The following FSTL5 variants were observed in gnomAD, a reference collection of about 807,000 sequenced individuals.
The protein encoded by FSTL5 is follistatin-related protein 5.
A neutral mutation model predicts 89.1 loss-of-function variants in FSTL5; 62 were observed. The ratio of observed to expected loss-of-function variants is 0.70; its 90% CI spans 0.57 to 0.86. The LOEUF (loss-of-function observed/expected upper bound fraction) is 0.86, where lower values mean the gene tolerates loss of function less well. FSTL5 is among the 40% of genes least tolerant of loss of function. The probability of loss-of-function intolerance (pLI) is 0.00; values close to 1 mark genes in which losing one functional copy is unlikely to be tolerated. For missense variants in FSTL5, 1,057 were observed against 1,001.6 expected (o/e 1.06, Z -0.75); for synonymous variants, 383 against 346.2 (o/e 1.11, Z -1.18).
chr4:161,488,512 G>C (rs1046316872), intron 12 of FSTL5, among the ~76,000 whole-genome samples: 1 of 151,902 alleles, frequency 6.6e-6, no homozygotes, highest in Non-Finnish European at 1.5e-5. Flanking sequence ...GTATTAGAGA[G>C]GTTAAAAAAA....
intron 8 of FSTL5, among the ~76,000 whole-genome samples, chr4:161,549,206 G>T (rs1465630635): frequency 1.3e-5 from 2 of 151,650 alleles, no homozygotes; most frequent in Non-Finnish European, 2.9e-5. Context: ...GCTTAATAGT[G>T]CTGTGATGTT....
chr4:161,502,381 G>A (rs1263847044), intron 11 of FSTL5, among the ~76,000 whole-genome samples: 1 of 151,820 alleles, frequency 6.6e-6, no homozygotes, highest in African/African-American at 2.4e-5. Context: ...ACACATGAAC[G>A]TTTTTACAAA....
At chr4:162,016,580 A>T (rs980233759) in intron 3 of FSTL5, among the ~76,000 whole-genome samples, 1 of 152,040 alleles carries the variant, frequency 6.6e-6, no homozygotes, top group African/African-American at 2.4e-5. Flanking sequence ...ATTCCTTTGG[A>T]CTTTAGTGTC....
Position 161,386,195 on chromosome 4 carries a change from A to G in FSTL5, c.2096T>C (p.Val699Ala). ...GACAAGGTAGTGGCCATCTGGAGAG[A>G]CATATGGAGTGCCCGTCACATCACT... ...FNSDVTGTPY[V>A]SPDGHYLVSI... The change falls in exon 16 of 16, where the codon GTC becomes GCC. Residue 699 changes from valine to alanine, a missense_variant. Val to Ala is a moderately conservative substitution (Grantham distance 64). Coordinates refer to ENST00000306100, the MANE Select transcript of FSTL5 (RefSeq NM_020116.5). 1 of 1,614,032 alleles carries G rather than the reference A, an allele frequency of 6.2e-7. No individual in the cohort carries two copies.
At chr4:161,883,325 T>C (rs1020402204) in intron 4 of FSTL5, among the ~76,000 whole-genome samples, 3 of 152,224 alleles carry the variant, frequency 2.0e-5, no homozygotes, top group African/African-American at 7.2e-5. Context: ...AAAAACATTC[T>C]TTAACAAAAC....
chr4:161,772,022 G>A (rs1245394967), intron 5 of FSTL5, among the ~76,000 whole-genome samples: 3 of 152,080 alleles, frequency 2.0e-5, no homozygotes, highest in African/African-American at 7.2e-5. Flanking sequence ...ATGACAACCT[G>A]CTAGCTGAGA....
At chr4:161,819,944 T>A (rs891907017) in intron 4 of FSTL5, among the ~76,000 whole-genome samples, 3 of 151,740 alleles carry the variant, frequency 2.0e-5, no homozygotes, top group Non-Finnish European at 4.4e-5. Context: ...TAAAAAAAAA[T>A]TAAGTTTTTT....
chr4:161,434,386 T>C (rs765813404), intron 15 of FSTL5, among the ~76,000 whole-genome samples: 1 of 152,062 alleles, frequency 6.6e-6, no homozygotes, highest in Non-Finnish European at 1.5e-5. Context: ...CCCCATCTCT[T>C]GCCATACACA....
chr4:161,498,927 G>T (rs1730191424), intron 12 of FSTL5, among the ~76,000 whole-genome samples: 1 of 152,154 alleles, frequency 6.6e-6, no homozygotes, highest in African/African-American at 2.4e-5. Context: ...AGGGCCGAGT[G>T]AAGTGGCTCA....
At chr4:161,869,162 C>T (rs1732184927) in intron 4 of FSTL5, among the ~76,000 whole-genome samples, 1 of 152,070 alleles carries the variant, frequency 6.6e-6, no homozygotes, top group Admixed American at 6.6e-5. Context: ...ATCGCCACTG[C>T]ACTCAGCCTG....
intron 7 of FSTL5, among the ~76,000 whole-genome samples, chr4:161,650,051 T>A (rs941018197): frequency 6.6e-6 from 1 of 152,214 alleles, no homozygotes; most frequent in Non-Finnish European, 1.5e-5. Flanking sequence ...GTATGTTTTA[T>A]AAAATAGTAA....
intron 6 of FSTL5, among the ~76,000 whole-genome samples, chr4:161,723,661 T>C (rs991363326): frequency 1.3e-5 from 2 of 152,168 alleles, no homozygotes; most frequent in Admixed American, 1.3e-4. Context: ...CTGAGAAGTA[T>C]GCTTAAAGCT....
chr4:162,022,928 G>C (rs1488498578), intron 3 of FSTL5: 4 of 152,096 alleles, frequency 2.6e-5, no homozygotes, highest in Non-Finnish European at 5.9e-5. Flanking sequence ...CACTCAAAAG[G>C]GTTAGAAGAT....
rs1204449325 is a variant in FSTL5 at position 161,976,112 on chromosome 4, C to T, written c.161-55460G>A. ...CAGCCTGGGTGACAGAGCGAGACTCCGCCTCAAAAAAAAAAAAAAAAAAAA... is the reference window on the plus strand; with the variant it reads ...CAGCCTGGGTGACAGAGCGAGACTCTGCCTCAAAAAAAAAAAAAAAAAAAA... On this transcript the variant is annotated intron_variant, in intron 3 of 15. Coordinates refer to ENST00000306100, the MANE Select transcript of FSTL5 (RefSeq NM_020116.5). Among the ~76,000 whole-genome samples, 41 of 129,052 alleles carry T rather than the reference C, an allele frequency of 3.2e-4. 1 individual carries two copies. Among genetic ancestry groups the T allele is most frequent in the Admixed American group, 1.3e-3 (16 of 12,524 alleles). The allele number at this position is 129,052 out of a possible 152,430, so 84.7% of individuals were successfully genotyped here.
chr4:161,761,986 G>T (rs1242729908), intron 5 of FSTL5, among the ~76,000 whole-genome samples: 2 of 152,112 alleles, frequency 1.3e-5, no homozygotes, highest in African/African-American at 4.8e-5. Context: ...GTTTACTAAT[G>T]AGGGAGGTAC....
At chr4:162,002,288 C>T (rs1190312521) in intron 3 of FSTL5, among the ~76,000 whole-genome samples, 1 of 152,124 alleles carries the variant, frequency 6.6e-6, no homozygotes, top group Non-Finnish European at 1.5e-5. Flanking sequence ...CTGTAAATGT[C>T]TTCCCCTAAA....
At chr4:161,676,058 C>T (rs906145226) in intron 6 of FSTL5, among the ~76,000 whole-genome samples, 1 of 152,056 alleles carries the variant, frequency 6.6e-6, no homozygotes, top group African/African-American at 2.4e-5. Flanking sequence ...TTGCTAGCTA[C>T]AGAATGTTAG....
At chr4:162,062,832 T>C (rs1233282024) in intron 2 of FSTL5, among the ~76,000 whole-genome samples, 10 of 151,596 alleles carry the variant, frequency 6.6e-5, no homozygotes, top group Admixed American at 5.3e-4. Flanking sequence ...AAAAGTCATA[T>C]GATTCTCTTC....
intron 15 of FSTL5, among the ~76,000 whole-genome samples, chr4:161,432,928 G>A (rs1205277497): frequency 6.6e-6 from 1 of 151,820 alleles, no homozygotes; most frequent in Non-Finnish European, 1.5e-5. Context: ...TAAGACCAAA[G>A]CTGTAATAAA....
Sources: allele counts gnomAD v4.1 joint callset (sites outside exome capture counted in the v4.1 genomes callset), GRCh38; gene constraint gnomAD v4.1.1; transcripts MANE v1.5; gene names NCBI Gene and HGNC (gene_info 2026-07-23, HGNC 2026-07-21).